The following AXIN1 variants were observed in gnomAD, a reference collection of about 807,000 sequenced individuals.
The protein encoded by AXIN1 is axin-1.
In AXIN1, 30 loss-of-function variants were observed where a neutral mutation model predicts 76.4. The ratio of observed to expected loss-of-function variants is 0.39; its 90% confidence interval spans 0.29 to 0.53. AXIN1 has a LOEUF of 0.53. AXIN1 is among the 20% of genes least tolerant of loss of function. The pLI is 0.66. For synonymous variants in AXIN1, 545 were observed against 501.4 expected (o/e 1.09, Z -1.16); for missense variants, 1,140 against 1,198.8 (o/e 0.95, Z 0.72).
rs569298843 is a variant in AXIN1 at position 297,940 on chromosome 16, C to T, written c.1566G>A (p.Ala522=). The part of the protein sequence containing the change: ...GHGKHVPKSG[A]KLDAAGLHHH... ...GGTGCAGGCCGGCCGCGTCCAGCTT[C>T]GCCCCTGACTTGGGTACGTGCTTCC... is the stretch of plus-strand genomic sequence containing the variant. Residue 522 remains alanine, a synonymous_variant, in exon 6 of 11, where the codon GCG becomes GCA. Transcript: ENST00000262320. 37 of 1,601,512 alleles carry T rather than the reference C, an allele frequency of 2.3e-5. No homozygotes were observed. Among genetic ancestry groups the T allele is most frequent in the Admixed American group, 1.0e-4 (6 of 59,754 alleles).
intron 4 of AXIN1, 83 bp from the exon 5 acceptor site, chr16:304,524 ATC>A: frequency 6.3e-7 from 1 of 1,587,714 alleles, no homozygotes; most frequent in Non-Finnish European, 8.6e-7. Flanking sequence ...AGCGTGTGCT[ATC>A]TCTGTTGTAT....
At chr16:295,193 C>T (rs2052678336) in intron 7 of AXIN1, among the ~76,000 whole-genome samples, 1 of 151,264 alleles carries the variant, frequency 6.6e-6, no homozygotes, top group Admixed American at 6.6e-5. Flanking sequence ...GCAATCTCCG[C>T]CTCCCAGGTT....
chr16:317,905 T>C (rs558897914), intron 2 of AXIN1, among the ~76,000 whole-genome samples: 2 of 152,250 alleles, frequency 1.3e-5, no homozygotes. Context: ...TAACTTTCTA[T>C]AAACATCTAT....
chr16:297,471 T>C (rs535896826), intron 6 of AXIN1, among the ~76,000 whole-genome samples: 2 of 151,946 alleles, frequency 1.3e-5, no homozygotes, highest in Admixed American at 1.3e-4. Flanking sequence ...AGGCAGTCAC[T>C]GCTCACCCCC....
chr16:303,874 GA>G lies in AXIN1; in HGVS notation c.1254+429del, dbSNP rs537586518. ...AACCAAAAGTGACCAGGAGGTGGCAGAAAGTCTCAGGCATCGCAGCCCCCGA... is the reference window on the plus strand; with the variant it reads ...AACCAAAAGTGACCAGGAGGTGGCAGAAGTCTCAGGCATCGCAGCCCCCGA... On this transcript the variant is annotated intron_variant, in intron 5 of 10. Transcript: ENST00000262320. 1.1e-3 allele frequency among the ~76,000 whole-genome samples: 169 copies of G among 152,326 alleles called. 1 individual carries two copies. The highest frequency in any genetic ancestry group is 5.4e-3 in the Admixed American group (83 of 15,300).
chr16:291,693 C>T lies in AXIN1; in HGVS notation c.2187-396G>A, dbSNP rs117774741. ...GCGTGGACACTGGCTCTGGGGCGTG[C>T]GTGGCAACTCGGTCTGCACCTCAGG... On this transcript the variant is annotated intron_variant, in intron 8 of 10. Transcript: ENST00000262320. The T allele has an allele frequency of 3.7e-4, 123 of 331,876 alleles. No individual in the cohort carries two copies. In the East Asian group the frequency reaches 8.8e-3, roughly 24 times the overall value. 20.6% of individuals were successfully genotyped at this position (331,876 alleles called of 1,614,324 possible).
chr16:288,302 G>GT, intron 10 of AXIN1, 54 bp from the exon 11 acceptor site: 1 of 1,611,716 alleles, frequency 6.2e-7, no homozygotes, highest in South Asian at 1.1e-5. Context: ...AGATGGGAAG[G>GT]AGGCCTGTGG....
intron 4 of AXIN1, 37 bp from the exon 5 acceptor site, chr16:304,478 A>G (rs768690260): frequency 1.4e-5 from 22 of 1,612,254 alleles, no homozygotes; most frequent in Non-Finnish European, 4.2e-6. Flanking sequence ...GGGGGTTGAA[A>G]GGTCACAGGC....
In AXIN1 at chr16:297,928, C is replaced by T. The variant is rs139163339; in HGVS notation, c.1578G>A (p.Ala526=). ...CGTGTCGGTGGTGGTGCAGGCCGGC[C>T]GCGTCCAGCTTCGCCCCTGACTTGG... ...HVPKSGAKLD[A]AGLHHHRHVH... is the part of the protein sequence containing the mutation. Residue 526 remains alanine (A), a synonymous_variant, in exon 6 of 11, where the codon GCG becomes GCA. Coordinates refer to ENST00000262320, the MANE Select transcript of AXIN1 (RefSeq NM_003502.4). The T allele has an allele frequency of 8.3e-4, 1,320 of 1,599,612 alleles. 13 individuals carry two copies. The African/African-American group carries it at 0.015, about 18-fold the overall frequency.
chr16:294,811 C>T (rs1419749775), intron 7 of AXIN1, among the ~76,000 whole-genome samples: 2 of 149,672 alleles, frequency 1.3e-5, no homozygotes, highest in Non-Finnish European at 1.5e-5. Context: ...GCCTGTAATC[C>T]CAGCACTTTG....
At chr16:345,085 A>T (rs1266797921) in intron 2 of AXIN1, among the ~76,000 whole-genome samples, 1 of 152,160 alleles carries the variant, frequency 6.6e-6, no homozygotes, top group Non-Finnish European at 1.5e-5. Context: ...CAAGCACAGT[A>T]GATGCCAGCC....
chr16:322,131 T>C (rs1055411492), intron 2 of AXIN1, among the ~76,000 whole-genome samples: 2 of 152,222 alleles, frequency 1.3e-5, no homozygotes, highest in African/African-American at 4.8e-5. Context: ...CCCCGTCTTG[T>C]GGCCAGGGAA....
At position 298,102 on chromosome 16, in the gene AXIN1, C is replaced by T. The variant is rs1367639142; in HGVS notation, c.1404G>A (p.Glu468=). Residue 468 remains glutamate, a synonymous_variant, in exon 6 of 11, where the codon GAG becomes GAA. Transcript: ENST00000262320. ...GLRDAHEENP[E]SILDEHVQRV... ...GCTGTACGTGCTCGTCCAGGATGCT[C>T]TCAGGGTTCTCCTCGTGTGCATCCC... 1 of 1,548,604 alleles carries T rather than the reference C, an allele frequency of 6.5e-7. No homozygotes were observed. Among genetic ancestry groups the T allele is most frequent in the Admixed American group, 1.9e-5 (1 of 52,112 alleles).
At chr16:291,121 G>T in intron 9 of AXIN1, 69 bp downstream of exon 9, 3 of 1,461,256 alleles carry the variant, frequency 2.1e-6, no homozygotes, top group Non-Finnish European at 2.8e-6. Context: ...GCGGCTCTAC[G>T]ATGGGACCTG....
chr16:332,664 A>C (rs1370952645), intron 2 of AXIN1, among the ~76,000 whole-genome samples: 1 of 35,364 alleles, frequency 2.8e-5, no homozygotes, highest in Non-Finnish European at 5.5e-5. Flanking sequence ...GATCTAAACC[A>C]AAAAAAAAAA....
chr16:308,164 T>A (rs2053078168), intron 4 of AXIN1, among the ~76,000 whole-genome samples: 1 of 152,194 alleles, frequency 6.6e-6, no homozygotes, highest in African/African-American at 2.4e-5. Flanking sequence ...GCCGCCTCTG[T>A]TGGCTTTCAT....
Position 291,329 on chromosome 16 carries a change from G to A in AXIN1, c.2187-32C>T, listed in dbSNP as rs775479282. ...AACAACCCGCGTCAAAGGTGGCTGT[G>A]CCGGCGGCCACCAGCCCTGGGGAGG... is the stretch of plus-strand genomic sequence containing the variant. On this transcript the variant is annotated intron_variant, in intron 8 of 10. Transcript: ENST00000262320. 40 of 1,534,798 alleles carry A rather than the reference G, an allele frequency of 2.6e-5. No homozygotes were observed. The East Asian group carries it at 8.0e-4, about 31-fold the overall frequency.
intron 2 of AXIN1, among the ~76,000 whole-genome samples, chr16:325,669 G>A (rs1033780541): frequency 1.3e-5 from 2 of 152,236 alleles, no homozygotes; most frequent in Non-Finnish European, 2.9e-5. Context: ...CCACAGCGTC[G>A]TGTGTACAAC....
chr16:311,305 C>G (rs531325161), intron 3 of AXIN1, among the ~76,000 whole-genome samples: 1 of 152,010 alleles, frequency 6.6e-6, no homozygotes, highest in Admixed American at 6.5e-5. Context: ...GCTGGGATTA[C>G]AGGCATGCGC....
Sources: gnomAD v4.1 joint callset for allele counts (sites outside exome capture counted in the v4.1 genomes callset) on GRCh38, gnomAD v4.1.1 for gene constraint, MANE v1.5 for transcripts, NCBI Gene and HGNC (gene_info 2026-07-23, HGNC 2026-07-21) for gene names.